The following KIAA0825 variants were observed in gnomAD, a reference collection of about 807,000 sequenced individuals.
KIAA0825 encodes uncharacterized protein KIAA0825.
Under a neutral mutation model 147.6 loss-of-function variants are expected in KIAA0825, and 119 were observed. The observed-to-expected ratio is 0.81, with a 90% CI of 0.69 to 0.94. The LOEUF (loss-of-function observed/expected upper bound fraction) is 0.94. KIAA0825 is among the 40% of genes least tolerant of loss of function. KIAA0825 has a pLI of 0.00. For synonymous variants in KIAA0825, 470 were observed against 518.1 expected (o/e 0.91, Z 1.26); for missense variants, 1,381 against 1,472.7 (o/e 0.94, Z 1.02).
chr5:94,287,819 C>T (rs1326068299), intron 20 of KIAA0825, among the ~76,000 whole-genome samples: 2 of 152,070 alleles, frequency 1.3e-5, no homozygotes, highest in Non-Finnish European at 2.9e-5. Context: ...ACTGGTGGTG[C>T]CAGGCTGTGT....
intron 14 of KIAA0825, among the ~76,000 whole-genome samples, chr5:94,424,995 T>C (rs1468113231): frequency 6.6e-6 from 1 of 152,106 alleles, no homozygotes; most frequent in Non-Finnish European, 1.5e-5. Flanking sequence ...AAAGGAGCAA[T>C]GCGAAATCTC....
chr5:94,614,650 T>C (rs1789905160), intron 1 of KIAA0825, among the ~76,000 whole-genome samples: 2 of 152,146 alleles, frequency 1.3e-5, no homozygotes, highest in African/African-American at 4.8e-5. Flanking sequence ...CCATCCTATA[T>C]GGCACAAACT....
rs1758813020 is a variant in KIAA0825, at chr5:94,454,356, C to G, written c.2247-1287G>C. ...CCACCTTTATCTTTTCACTCCACAT[C>G]TTGCTTCTTGTATCCTCATGCTTTT... On this transcript the variant is annotated intron_variant, in intron 12 of 20. Transcript: ENST00000682413. Among the ~76,000 whole-genome samples, 3 of 152,310 alleles carry G rather than the reference C, an allele frequency of 2.0e-5. No individual in the cohort carries two copies. In the South Asian group the frequency reaches 6.2e-4, roughly 32 times the overall value.
intron 5 of KIAA0825, among the ~76,000 whole-genome samples, chr5:94,516,861 G>A (rs143097709): frequency 0.012 from 1,898 of 152,130 alleles, 37 homozygotes; most frequent in African/African-American, 0.044. Flanking sequence ...AGCACTTTGG[G>A]AGGCCAAGGC....
intron 5 of KIAA0825, chr5:94,519,785 G>T: frequency 1.2e-6 from 1 of 823,924 alleles, no homozygotes; most frequent in Non-Finnish European, 1.5e-6. Flanking sequence ...CTTTAGCTTT[G>T]GAAGATACAA....
chr5:94,236,662 GT>G (rs1437690092), intron 20 of KIAA0825, among the ~76,000 whole-genome samples: 2 of 152,200 alleles, frequency 1.3e-5, no homozygotes, highest in African/African-American at 4.8e-5. Flanking sequence ...ATAAAAGGAA[GT>G]CATTTGATGT....
intron 20 of KIAA0825, among the ~76,000 whole-genome samples, chr5:94,212,320 G>A (rs1176116663): frequency 6.6e-6 from 1 of 152,116 alleles, no homozygotes; most frequent in Non-Finnish European, 1.5e-5. Context: ...CCCATAATCA[G>A]ATTTATGGAA....
intron 20 of KIAA0825, among the ~76,000 whole-genome samples, chr5:94,288,963 G>C (rs1268507220): frequency 6.6e-6 from 1 of 152,148 alleles, no homozygotes; most frequent in Non-Finnish European, 1.5e-5. Context: ...GGCCCCCAAC[G>C]TATGGGTGTT....
chr5:94,587,437 T>G (rs1302574916), intron 1 of KIAA0825, among the ~76,000 whole-genome samples: 3 of 152,046 alleles, frequency 2.0e-5, no homozygotes, highest in African/African-American at 7.2e-5. Context: ...TGAAATCCCA[T>G]TCACAATTAC....
intron 20 of KIAA0825, among the ~76,000 whole-genome samples, chr5:94,326,543 A>G (rs1780713361): frequency 6.6e-6 from 1 of 152,180 alleles, no homozygotes; most frequent in African/African-American, 2.4e-5. Context: ...GGTTGTCTAA[A>G]TGGTAGTAAC....
At chr5:94,187,095 C>T (rs190698949) in intron 20 of KIAA0825, among the ~76,000 whole-genome samples, 17 of 152,238 alleles carry the variant, frequency 1.1e-4, no homozygotes, top group African/African-American at 4.1e-4. Flanking sequence ...AAATACAGTG[C>T]AAAGGTGGAT....
chr5:94,278,584 T>C (rs1025341585), intron 20 of KIAA0825, among the ~76,000 whole-genome samples: 3 of 152,146 alleles, frequency 2.0e-5, no homozygotes, highest in Admixed American at 6.6e-5. Context: ...AGTTAGCCTT[T>C]TTCTTAGTCA....
chr5:94,284,514 T>G (rs1385424031), intron 20 of KIAA0825, among the ~76,000 whole-genome samples: 2 of 152,150 alleles, frequency 1.3e-5, no homozygotes, highest in Non-Finnish European at 2.9e-5. Flanking sequence ...CATTTAGACA[T>G]GATATATTTA....
At chr5:94,439,893 C>A in intron 14 of KIAA0825, 89 bp downstream of exon 14, 1 of 1,327,322 alleles carries the variant, frequency 7.5e-7, no homozygotes. Flanking sequence ...TTACATCTTT[C>A]TTCCAATGTT....
chr5:94,381,693 G>A (rs571128836), intron 20 of KIAA0825, among the ~76,000 whole-genome samples: 6 of 152,178 alleles, frequency 3.9e-5, no homozygotes, highest in South Asian at 2.1e-4. Flanking sequence ...ACTCTTGACC[G>A]TGTCAACAAT....
At chr5:94,251,096 T>C (rs1404386190) in intron 20 of KIAA0825, among the ~76,000 whole-genome samples, 1 of 152,036 alleles carries the variant, frequency 6.6e-6, no homozygotes, top group Non-Finnish European at 1.5e-5. Flanking sequence ...GGGTGACCCA[T>C]CTAAAACTCA....
At chr5:94,176,402 CT>C (rs1769108093) in intron 20 of KIAA0825, among the ~76,000 whole-genome samples, 1 of 152,066 alleles carries the variant, frequency 6.6e-6, no homozygotes, top group African/African-American at 2.4e-5. Context: ...AACCTCTTTT[CT>C]TTGTAAATTA....
At chr5:94,334,815 T>G (rs911441303) in intron 20 of KIAA0825, among the ~76,000 whole-genome samples, 5 of 152,160 alleles carry the variant, frequency 3.3e-5, no homozygotes, top group African/African-American at 1.2e-4. Flanking sequence ...AGCTTTATCA[T>G]GGTAATGGAA....
At chr5:94,529,305 GTATATATCATATA>G (rs1561268417) in intron 3 of KIAA0825, among the ~76,000 whole-genome samples, 7 of 140,458 alleles carry the variant, frequency 5.0e-5, no homozygotes, top group African/African-American at 8.0e-5. Context: ...TCATATATAT[GTATATATCATATA>G]TATGTATATA....
Sources: gnomAD v4.1 joint callset for allele counts (sites outside exome capture counted in the v4.1 genomes callset) on GRCh38, gnomAD v4.1.1 for gene constraint, MANE v1.5 for transcripts, NCBI Gene and HGNC (gene_info 2026-07-23, HGNC 2026-07-21) for gene names.